The following ACTR3B variants were observed in gnomAD, a reference collection of about 807,000 sequenced individuals.
ACTR3B encodes the protein actin-related protein 3B.
ACTR3B carries 8 observed loss-of-function variants against 59.0 expected under a neutral mutation model. The ratio of observed to expected loss-of-function variants is 0.14; its 90% confidence interval spans 0.08 to 0.24. The LOEUF (loss-of-function observed/expected upper bound fraction) is 0.24. Among genes scored for constraint, ACTR3B ranks in the 10% least tolerant of loss-of-function variants. ACTR3B has a pLI of 1.00. For synonymous variants in ACTR3B, 148 were observed against 197.9 expected (o/e 0.75, Z 2.12); for missense variants, 245 against 552.3 (o/e 0.44, Z 5.58).
At chr7:152,803,024 T>C (rs1466468259) in intron 4 of ACTR3B, among the ~76,000 whole-genome samples, 1 of 152,132 alleles carries the variant, frequency 6.6e-6, no homozygotes, top group African/African-American at 2.4e-5. Context: ...CCATAGTGGT[T>C]TATTTTATTT....
intron 1 of ACTR3B, among the ~76,000 whole-genome samples, chr7:152,769,505 T>C (rs2098119120): frequency 6.6e-6 from 1 of 152,162 alleles, no homozygotes; most frequent in African/African-American, 2.4e-5. Flanking sequence ...CCCAAAATAT[T>C]GTTTTGCTTT....
chr7:152,798,148 C>T (rs1165978865), intron 2 of ACTR3B, among the ~76,000 whole-genome samples: 1 of 152,080 alleles, frequency 6.6e-6, no homozygotes, highest in Non-Finnish European at 1.5e-5. Flanking sequence ...TTTGCATTCC[C>T]ACCTATAGTG....
intron 2 of ACTR3B, 106 bp downstream of exon 2, chr7:152,783,348 CTTT>C: frequency 7.1e-7 from 1 of 1,408,194 alleles, no homozygotes; most frequent in Non-Finnish European, 9.9e-7. Flanking sequence ...TTACCATCTT[CTTT>C]TAGAAGACCG....
At chr7:152,764,376 T>G (rs2098101135) in intron 1 of ACTR3B, among the ~76,000 whole-genome samples, 1 of 151,930 alleles carries the variant, frequency 6.6e-6, no homozygotes. Flanking sequence ...ACACCTGTAG[T>G]CCCAGCACTT....
intron 2 of ACTR3B, among the ~76,000 whole-genome samples, chr7:152,791,187 T>C (rs2098194887): frequency 6.6e-6 from 1 of 152,062 alleles, no homozygotes; most frequent in Admixed American, 6.6e-5. Flanking sequence ...ATTTTTGTAA[T>C]TTTAATAGAG....
intron 9 of ACTR3B, among the ~76,000 whole-genome samples, chr7:152,833,800 C>G (rs112030497): frequency 0.011 from 1,631 of 152,210 alleles, 19 homozygotes; most frequent in Middle Eastern, 0.024. Flanking sequence ...AGCATAAAGA[C>G]AGGGCCTTTC....
intron 2 of ACTR3B, among the ~76,000 whole-genome samples, chr7:152,784,305 C>T (rs540866544): frequency 6.6e-6 from 1 of 152,168 alleles, no homozygotes; most frequent in Non-Finnish European, 1.5e-5. Flanking sequence ...TGGGGAACGT[C>T]GACAGGGAAA....
chr7:152,801,241 G>C (rs2098235617), intron 3 of ACTR3B, among the ~76,000 whole-genome samples: 1 of 152,240 alleles, frequency 6.6e-6, no homozygotes, highest in South Asian at 2.1e-4. Context: ...CACCAAGCCT[G>C]GCTGATTTTT....
rs1181143284 is a variant in ACTR3B, at chr7:152,795,036, C to CTT, written c.101-5480_101-5479dup. 8.5e-3 allele frequency among the ~76,000 whole-genome samples: 1,172 copies of CTT among 137,736 alleles called. 15 individuals carry two copies. The highest frequency in any genetic ancestry group is 0.031 in the East Asian group (149 of 4,796). 90.4% of individuals were successfully genotyped at this position (137,736 alleles called of 152,430 possible). A position where few individuals can be genotyped will look rare whatever the true frequency, so the allele number is the denominator to read the frequency against. ...GAGAAAAAGGCTTCAGTTTCACTCTCTTTTTTTTTTTTTTTTGAGATGGAG... is the reference window on the plus strand; with the variant it reads ...GAGAAAAAGGCTTCAGTTTCACTCTCTTTTTTTTTTTTTTTTTTGAGATGGAG... On this transcript the variant is annotated intron_variant, in intron 2 of 11. Transcript: ENST00000256001.
intron 1 of ACTR3B, among the ~76,000 whole-genome samples, chr7:152,764,235 A>C (rs1308851138): frequency 6.6e-6 from 1 of 151,894 alleles, no homozygotes; most frequent in South Asian, 2.1e-4. Flanking sequence ...TTGAACTCCT[A>C]ACCTCAGGTG....
rs186196550 is a variant in ACTR3B at position 152,820,132 on chromosome 7, T to C, written c.541-167T>C. The stretch of plus-strand genomic sequence containing the variant: ...TTAATGGAATTGCATATGCAGTCAT[T>C]TTGAAAGACCTTCTGTACTGAGCTT... On this transcript the variant is annotated intron_variant, in intron 6 of 11. Transcript: ENST00000256001. Among the ~76,000 whole-genome samples, 299 of 152,320 alleles carry C rather than the reference T, an allele frequency of 2.0e-3. 1 individual carries two copies. The highest frequency in any genetic ancestry group is 2.9e-3 in the Non-Finnish European group (200 of 68,040).
intron 1 of ACTR3B, among the ~76,000 whole-genome samples, chr7:152,779,192 G>A (rs1277611381): frequency 5.3e-5 from 8 of 152,082 alleles, no homozygotes; most frequent in African/African-American, 1.5e-4. Flanking sequence ...AGAACCATGC[G>A]GGTGAGCGAG....
At chr7:152,771,167 T>C (rs557939941) in intron 1 of ACTR3B, among the ~76,000 whole-genome samples, 16 of 152,180 alleles carry the variant, frequency 1.1e-4, no homozygotes, top group African/African-American at 3.6e-4. Flanking sequence ...TTTCACCATG[T>C]TGGCCAGGCT....
chr7:152,770,086 T>C (rs2116523835), intron 1 of ACTR3B, among the ~76,000 whole-genome samples: 1 of 152,186 alleles, frequency 6.6e-6, no homozygotes, highest in South Asian at 2.1e-4. Flanking sequence ...TCTTATATCC[T>C]TTTCATACTA....
At chr7:152,779,413 A>G (rs2098144814) in intron 1 of ACTR3B, among the ~76,000 whole-genome samples, 1 of 152,164 alleles carries the variant, frequency 6.6e-6, no homozygotes, top group African/African-American at 2.4e-5. Context: ...GAAGTCCTGT[A>G]ACTAATAGGT....
At chr7:152,796,275 T>A (rs1299526957) in intron 2 of ACTR3B, among the ~76,000 whole-genome samples, 1 of 152,196 alleles carries the variant, frequency 6.6e-6, no homozygotes, top group Non-Finnish European at 1.5e-5. Context: ...GTATATACTT[T>A]TATTTACTCA....
At chr7:152,767,140 A>C (rs1307590337) in intron 1 of ACTR3B, among the ~76,000 whole-genome samples, 1 of 149,548 alleles carries the variant, frequency 6.7e-6, no homozygotes, top group Non-Finnish European at 1.5e-5. Flanking sequence ...TTAAATCTCT[A>C]ATTCATTTGG....
intron 9 of ACTR3B, among the ~76,000 whole-genome samples, chr7:152,829,066 A>G (rs1431991334): frequency 1.4e-5 from 2 of 145,450 alleles, no homozygotes; most frequent in African/African-American, 2.8e-5. Flanking sequence ...ATACACACAC[A>G]CACACACATC....
intron 9 of ACTR3B, among the ~76,000 whole-genome samples, chr7:152,829,044 GTA>G (rs749504905): frequency 2.1e-3 from 298 of 143,770 alleles, no homozygotes; most frequent in African/African-American, 6.4e-3. Flanking sequence ...GTGTGTGTGT[GTA>G]TATATATATA....
Sources: gnomAD v4.1 joint callset for allele counts (sites outside exome capture counted in the v4.1 genomes callset) on GRCh38, gnomAD v4.1.1 for gene constraint, MANE v1.5 for transcripts, NCBI Gene and HGNC (gene_info 2026-07-23, HGNC 2026-07-21) for gene names.